The following NCEH1 variants were observed in gnomAD, a reference collection of about 807,000 sequenced individuals.
NCEH1 encodes the protein 2-acetyl MAGE hydrolase.
In NCEH1, 9 loss-of-function variants were observed where a neutral mutation model predicts 25.4. The ratio of observed to expected loss-of-function variants is 0.35; its 90% CI spans 0.21 to 0.62. The LOEUF (loss-of-function observed/expected upper bound fraction) is 0.62. Among genes scored for constraint, NCEH1 ranks in the 20% least tolerant of loss-of-function variants. NCEH1 has a pLI of 0.72. For missense variants in NCEH1, 412 were observed against 501.1 expected (o/e 0.82, Z 1.70); for synonymous variants, 200 against 199.8 (o/e 1.00, Z -0.01).
chr3:172,708,828 A>T lies in NCEH1; in HGVS notation c.138+2019T>A, dbSNP rs1194937328. On this transcript the variant is annotated intron_variant, in intron 1 of 4. Coordinates refer to ENST00000475381, the MANE Select transcript of NCEH1 (RefSeq NM_020792.6). The stretch of plus-strand genomic sequence containing the variant: ...ACTCACTACAAGTACCAGGCACTTA[A>T]ATACATTACTAAACCTTATAGCAAA... Among the ~76,000 whole-genome samples, 3 of 152,212 alleles carry T rather than the reference A, an allele frequency of 2.0e-5. No homozygotes were observed. The East Asian group carries it at 5.8e-4, about 29-fold the overall frequency.
At chr3:172,647,306 T>C (rs943890906) in intron 2 of NCEH1, among the ~76,000 whole-genome samples, 23 of 152,360 alleles carry the variant, frequency 1.5e-4, no homozygotes, top group African/African-American at 5.5e-4. Flanking sequence ...CCATTTTGAA[T>C]GTGTTCTACT....
chr3:172,662,232 GT>G (rs1466273483), intron 1 of NCEH1, among the ~76,000 whole-genome samples: 1 of 152,126 alleles, frequency 6.6e-6, no homozygotes, highest in African/African-American at 2.4e-5. Flanking sequence ...TAATCATGTG[GT>G]TTTTGTCTTT....
chr3:172,697,602 T>G (rs1479884898), intron 1 of NCEH1, among the ~76,000 whole-genome samples: 1 of 152,100 alleles, frequency 6.6e-6, no homozygotes, highest in Non-Finnish European at 1.5e-5. Flanking sequence ...CATAATACAC[T>G]TTTTCCCAAT....
intron 1 of NCEH1, among the ~76,000 whole-genome samples, chr3:172,701,315 T>C (rs1360293519): frequency 6.6e-6 from 1 of 152,124 alleles, no homozygotes; most frequent in Admixed American, 6.5e-5. Flanking sequence ...CCAGGAGTCA[T>C]CTTTGACTCC....
intron 3 of NCEH1, among the ~76,000 whole-genome samples, chr3:172,639,230 G>A (rs181559336): frequency 6.6e-6 from 1 of 151,384 alleles, no homozygotes; most frequent in African/African-American, 2.4e-5. Flanking sequence ...CCAGGGAGTT[G>A]GAGGTTGCAG....
At chr3:172,685,651 T>TA (rs1477370386) in intron 1 of NCEH1, among the ~76,000 whole-genome samples, 1 of 152,064 alleles carries the variant, frequency 6.6e-6, no homozygotes, top group Non-Finnish European at 1.5e-5. Context: ...TCTGCAACCC[T>TA]AACTTTTTTT....
chr3:172,662,655 T>G (rs1234597508), intron 1 of NCEH1, among the ~76,000 whole-genome samples: 1 of 152,202 alleles, frequency 6.6e-6, no homozygotes, highest in Non-Finnish European at 1.5e-5. Context: ...CTGTTATTGG[T>G]CTATTCAGGG....
chr3:172,696,319 G>A (rs1456709298), intron 1 of NCEH1, among the ~76,000 whole-genome samples: 4 of 152,150 alleles, frequency 2.6e-5, no homozygotes, highest in Non-Finnish European at 5.9e-5. Flanking sequence ...ATAGAAATCC[G>A]CAAACCTGAG....
intron 1 of NCEH1, among the ~76,000 whole-genome samples, chr3:172,701,338 G>GCTCCATACTCT (rs1359388675): frequency 1.3e-5 from 2 of 151,854 alleles, no homozygotes; most frequent in East Asian, 3.9e-4. Context: ...CCTCTCCGAT[G>GCTCCATACTCT]CTCCATACTC....
At chr3:172,699,719 G>C (rs1232265179) in intron 1 of NCEH1, among the ~76,000 whole-genome samples, 1 of 152,102 alleles carries the variant, frequency 6.6e-6, no homozygotes, top group Non-Finnish European at 1.5e-5. Flanking sequence ...ACAAAAATCA[G>C]CTGGGCATGG....
At chr3:172,659,815 C>T (rs1209121779) in intron 1 of NCEH1, among the ~76,000 whole-genome samples, 1 of 152,160 alleles carries the variant, frequency 6.6e-6, no homozygotes, top group Non-Finnish European at 1.5e-5. Flanking sequence ...CTGGATCAAA[C>T]AGCCACCCCC....
chr3:172,679,321 A>G (rs1712209775), intron 1 of NCEH1, among the ~76,000 whole-genome samples: 1 of 152,256 alleles, frequency 6.6e-6, no homozygotes, highest in Non-Finnish European at 1.5e-5. Flanking sequence ...GCTAGCAGAT[A>G]TTTAAGAATG....
chr3:172,650,265 G>T (rs1208118716), intron 1 of NCEH1, among the ~76,000 whole-genome samples: 1 of 152,174 alleles, frequency 6.6e-6, no homozygotes, highest in Non-Finnish European at 1.5e-5. Flanking sequence ...CACTTTGGGA[G>T]GCCAAGGCAG....
intron 1 of NCEH1, among the ~76,000 whole-genome samples, chr3:172,660,407 G>A (rs1459966358): frequency 6.6e-6 from 1 of 152,036 alleles, no homozygotes. Flanking sequence ...CCAAGTCTTT[G>A]CTATTGTGAA....
At chr3:172,709,159 G>T (rs973977786) in intron 1 of NCEH1, among the ~76,000 whole-genome samples, 2 of 152,172 alleles carry the variant, frequency 1.3e-5, no homozygotes, top group African/African-American at 4.8e-5. Flanking sequence ...GTCCTTAATG[G>T]GCTGGCAAGC....
chr3:172,684,328 AT>A (rs1399101248), intron 1 of NCEH1, among the ~76,000 whole-genome samples: 2 of 152,242 alleles, frequency 1.3e-5, no homozygotes, highest in African/African-American at 2.4e-5. Context: ...TTACTAAGAC[AT>A]GCATTAGTAT....
chr3:172,633,661 A>G lies in NCEH1; in HGVS notation c.1041T>C (p.His347=), dbSNP rs1225206943. 1.2e-6 allele frequency: 2 copies of G among 1,614,176 alleles called. No homozygotes were observed. Among genetic ancestry groups the G allele is most frequent in the Non-Finnish European group, 1.7e-6 (2 of 1,180,012 alleles). The change falls in exon 5 of 5, where the codon CAT becomes CAC. Residue 347 remains histidine, a synonymous_variant. Transcript: ENST00000475381. The part of the protein sequence containing the change: ...LPKTYILTCE[H]DVLRDDGIMY... ...TGATGCCATCGTCTCTGAGGACATC[A>G]TGCTCACACGTCAGAATGTAGGTCT...
At chr3:172,703,145 A>C (rs1046809229) in intron 1 of NCEH1, 2 of 152,252 alleles carry the variant, frequency 1.3e-5, no homozygotes, top group Admixed American at 1.3e-4. Context: ...AGCAGCACAT[A>C]CACTAAAACC....
intron 1 of NCEH1, among the ~76,000 whole-genome samples, chr3:172,708,522 A>AT (rs774216602): frequency 6.6e-6 from 1 of 152,030 alleles, no homozygotes; most frequent in Non-Finnish European, 1.5e-5. Context: ...GCCCTGGCTA[A>AT]TTTTTTGTAT....
Sources: gnomAD v4.1 joint callset for allele counts (sites outside exome capture counted in the v4.1 genomes callset) on GRCh38, gnomAD v4.1.1 for gene constraint, MANE v1.5 for transcripts, NCBI Gene and HGNC (gene_info 2026-07-23, HGNC 2026-07-21) for gene names.